NEK1: variants seen among roughly 807,000 people sequenced by gnomAD.
NEK1 encodes NIMA related kinase 1, also known as serine/threonine-protein kinase Nek1.
NEK1 carries 137 observed loss-of-function variants against 182.1 expected under a neutral mutation model. That is an observed-to-expected ratio of 0.75 (90% CI 0.65 to 0.87). The LOEUF (loss-of-function observed/expected upper bound fraction) is 0.87. Ranked by LOEUF, NEK1 falls within the 40% of genes least tolerant of loss-of-function variation. The pLI, the probability that NEK1 is intolerant of heterozygous loss-of-function variation, is 0.00. For missense variants in NEK1, 1,391 were observed against 1,494.4 expected (o/e 0.93, Z 1.14); for synonymous variants, 513 against 492.2 (o/e 1.04, Z -0.56).
intron 29 of NEK1, among the ~76,000 whole-genome samples, chr4:169,427,190 G>C (rs183168988): frequency 1.4e-5 from 2 of 148,128 alleles, no homozygotes; most frequent in Admixed American, 1.3e-4. Context: ...GCAGTGGCAC[G>C]ATCTCGGCTC....
intron 18 of NEK1, among the ~76,000 whole-genome samples, chr4:169,550,424 T>C (rs1377590428): frequency 6.6e-6 from 1 of 152,184 alleles, no homozygotes; most frequent in Non-Finnish European, 1.5e-5. Context: ...GTACAACAGT[T>C]AAGTGAGTGA....
At chr4:169,425,799 T>C (rs1031805522) in intron 30 of NEK1, among the ~76,000 whole-genome samples, 1 of 152,200 alleles carries the variant, frequency 6.6e-6, no homozygotes, top group African/African-American at 2.4e-5. Flanking sequence ...ATTACAGGTG[T>C]AAGCCATTAC....
At chr4:169,397,788 T>A (rs2110966146) in intron 35 of NEK1, among the ~76,000 whole-genome samples, 1 of 152,330 alleles carries the variant, frequency 6.6e-6, no homozygotes, top group South Asian at 2.1e-4. Context: ...AGGGTGTCAA[T>A]TCTACCTTGT....
intron 18 of NEK1, 72 bp downstream of exon 18, chr4:169,555,648 A>G: frequency 6.4e-7 from 1 of 1,558,502 alleles, no homozygotes; most frequent in South Asian, 1.1e-5. Context: ...CACAAAGTGT[A>G]GGTACTAAGC....
intron 23 of NEK1, among the ~76,000 whole-genome samples, chr4:169,495,239 C>CTTTTT (rs774183115): frequency 3.8e-4 from 40 of 105,444 alleles, no homozygotes; most frequent in Non-Finnish European, 6.2e-4. Flanking sequence ...ACATTTAAGT[C>CTTTTT]TTTTTTTTTT....
chr4:169,512,404 T>C (rs1374982019), intron 19 of NEK1, among the ~76,000 whole-genome samples: 1 of 152,118 alleles, frequency 6.6e-6, no homozygotes, highest in Non-Finnish European at 1.5e-5. Context: ...GCCATATGTA[T>C]ATCCTCTTTG....
chr4:169,589,525 C>G lies in NEK1; in HGVS notation c.397-11G>C, dbSNP rs746386960. ...AGTTAAAAATATGTTCTGTAAAAGA[C>G]AGGAAAAAAAAAAACCCTAGAAATA... On this transcript the variant is annotated splice_polypyrimidine_tract_variant and intron_variant, in intron 6 of 35. Coordinates refer to ENST00000507142, the MANE Select transcript of NEK1 (RefSeq NM_001199397.3). 2.9e-6 allele frequency: 4 copies of G among 1,389,148 alleles called. No homozygotes were observed. In the South Asian group the frequency reaches 5.5e-5, roughly 19 times the overall value. The allele number at this position is 1,389,148 out of a possible 1,614,324, so 86.1% of individuals were successfully genotyped here. A position where few individuals can be genotyped will look rare whatever the true frequency, so the allele number is the denominator to read the frequency against.
At chr4:169,396,365 CAAAAAAAAAAAAAA>C (rs70961598) in intron 35 of NEK1, among the ~76,000 whole-genome samples, 20 of 38,052 alleles carry the variant, frequency 5.3e-4, no homozygotes, top group South Asian at 1.7e-3. Flanking sequence ...GACTCCATCT[CAAAAAAAAAAAAAA>C]AAAAAAAAAA....
rs1362231289 is a variant in NEK1 at position 169,590,790 on chromosome 4, T to G, written c.332A>C (p.Gln111Pro). 1 of 1,596,992 alleles carries G rather than the reference T, an allele frequency of 6.3e-7. No individual in the cohort carries two copies. ...QEDQILDWFV[Q>P]ICLALKHVHD... The stretch of plus-strand genomic sequence containing the variant: ...TACATGTTTCAGGGCCAAACATATC[T>G]GTACAAACCAGTCCAAAATCTAGGA... The change falls in exon 6 of 36, where the codon CAG becomes CCG. Residue 111 changes from glutamine to proline, a missense_variant. Gln to Pro is a moderately conservative substitution (Grantham distance 76). This residue lies in a region of NEK1 where 116 missense variants were observed against 114.5 expected (regional missense o/e 1.01). Coordinates refer to ENST00000507142, the MANE Select transcript of NEK1 (RefSeq NM_001199397.3).
intron 31 of NEK1, among the ~76,000 whole-genome samples, chr4:169,413,466 CA>C (rs1734005802): frequency 6.6e-6 from 1 of 152,160 alleles, no homozygotes; most frequent in South Asian, 2.1e-4. Flanking sequence ...CATTCCTCTA[CA>C]ACAAATTCCA....
intron 5 of NEK1, among the ~76,000 whole-genome samples, chr4:169,595,922 C>CAAAA (rs56313001): frequency 2.4e-4 from 16 of 67,152 alleles, no homozygotes; most frequent in South Asian, 6.1e-4. Flanking sequence ...GACTCCACCT[C>CAAAA]AAAAAAAAAA....
chr4:169,550,819 T>A (rs541140982), intron 18 of NEK1, among the ~76,000 whole-genome samples: 1 of 152,330 alleles, frequency 6.6e-6, no homozygotes, highest in East Asian at 1.9e-4. Flanking sequence ...CCTTTTGACA[T>A]TTCAGCACTA....
rs1226345507 is a variant in NEK1, at chr4:169,404,956, CAT to C, written c.3374+1638_3374+1639del. Among the ~76,000 whole-genome samples the C allele has an allele frequency of 8.5e-5, 13 of 152,144 alleles. No homozygotes were observed. The South Asian group carries it at 1.7e-3, about 19-fold the overall frequency. Reference sequence around the variant, plus strand: ...AAACAATCCAATTACATGCAGAAAACATGTGTGCACTGACACATGTGCACACA... The same window carrying C: ...AAACAATCCAATTACATGCAGAAAACGTGTGCACTGACACATGTGCACACA... On this transcript the variant is annotated intron_variant, in intron 32 of 35. Coordinates refer to ENST00000507142, the MANE Select transcript of NEK1 (RefSeq NM_001199397.3).
intron 28 of NEK1, among the ~76,000 whole-genome samples, 156 bp from the exon 29 acceptor site, chr4:169,433,821 T>C (rs1199076235): frequency 4.6e-5 from 7 of 152,256 alleles, no homozygotes; most frequent in African/African-American, 2.4e-5. Context: ...TTAACTCTTA[T>C]TGTGAAGTCT....
chr4:169,403,539 T>C (rs1399072251), intron 32 of NEK1, among the ~76,000 whole-genome samples: 3 of 152,144 alleles, frequency 2.0e-5, no homozygotes, highest in East Asian at 3.8e-4. Context: ...CACTGTACTA[T>C]AGCCAGGGTG....
chr4:169,393,749 T>A lies in NEK1; in HGVS notation c.*761A>T, dbSNP rs1212386014. 6.6e-6 allele frequency: 1 copy of A among 152,222 alleles called. No individual in the cohort carries two copies. Among genetic ancestry groups the A allele is most frequent in the Non-Finnish European group, 1.5e-5 (1 of 68,026 alleles). The allele number at this position is 152,222 out of a possible 1,614,324, so 9.4% of individuals were successfully genotyped here. Reference sequence around the variant, plus strand: ...GGAAGTTAAAAACCAAAAGAGCAACTTTAAGCTATATGCTAAGTCAGTGTT... The same window carrying A: ...GGAAGTTAAAAACCAAAAGAGCAACATTAAGCTATATGCTAAGTCAGTGTT... On this transcript the variant is annotated 3_prime_UTR_variant, in exon 36 of 36. Transcript: ENST00000507142.
At chr4:169,465,098 T>C (rs528770999) in intron 26 of NEK1, among the ~76,000 whole-genome samples, 3 of 152,210 alleles carry the variant, frequency 2.0e-5, no homozygotes, top group East Asian at 3.9e-4. Context: ...TCCATGAAAG[T>C]ACATGCAAAT....
chr4:169,595,225 G>A (rs1212837305), intron 5 of NEK1, among the ~76,000 whole-genome samples: 1 of 152,080 alleles, frequency 6.6e-6, no homozygotes, highest in African/African-American at 2.4e-5. Context: ...CTTGATCCAA[G>A]ATCAAGAATT....
chr4:169,507,954 C>CACT, intron 21 of NEK1, among the ~76,000 whole-genome samples, 162 bp from the exon 22 acceptor site: 1 of 152,096 alleles, frequency 6.6e-6, no homozygotes, highest in African/African-American at 2.4e-5. Context: ...AACTCTCCAC[C>CACT]ACTATCAGCC....
Sources: gnomAD v4.1 joint callset for allele counts (sites outside exome capture counted in the v4.1 genomes callset) on GRCh38, gnomAD v4.1.1 for gene constraint, gnomAD v4.1.1 regional missense constraint, MANE v1.5 for transcripts, NCBI Gene and HGNC (gene_info 2026-07-23, HGNC 2026-07-21) for gene names.